MAGI2: variants seen among roughly 807,000 people sequenced by gnomAD.
The protein encoded by MAGI2 is membrane-associated guanylate kinase, WW and PDZ domain-containing protein 2.
Under a neutral mutation model 133.3 loss-of-function variants are expected in MAGI2, and 35 were observed. The ratio of observed to expected loss-of-function variants is 0.26; its 90% CI spans 0.20 to 0.35. The LOEUF (loss-of-function observed/expected upper bound fraction) is 0.35, where lower values mean the gene tolerates loss of function less well. MAGI2 is among the 10% of genes least tolerant of loss of function. MAGI2 has a pLI of 1.00. For missense variants in MAGI2, 1,636 were observed against 1,863.4 expected (o/e 0.88, Z 2.25); for synonymous variants, 729 against 710.6 (o/e 1.03, Z -0.41).
intron 1 of MAGI2, among the ~76,000 whole-genome samples, chr7:79,259,007 T>G (rs1216154970): frequency 6.6e-6 from 1 of 152,248 alleles, no homozygotes; most frequent in Non-Finnish European, 1.5e-5. Flanking sequence ...AAAGTAAATC[T>G]AGTGCCTATT....
chr7:78,024,853 G>A (rs1194535285), intron 21 of MAGI2, among the ~76,000 whole-genome samples: 1 of 152,010 alleles, frequency 6.6e-6, no homozygotes, highest in Non-Finnish European at 1.5e-5. Context: ...CCTACTCAAG[G>A]GATTGGCCTG....
At chr7:78,914,257 A>G (rs1392982074) in intron 2 of MAGI2, among the ~76,000 whole-genome samples, 1 of 152,138 alleles carries the variant, frequency 6.6e-6, no homozygotes, top group Non-Finnish European at 1.5e-5. Context: ...ATATGAACAA[A>G]CAACATTGTG....
At chr7:79,249,429 A>G (rs1833065999) in intron 1 of MAGI2, among the ~76,000 whole-genome samples, 1 of 152,074 alleles carries the variant, frequency 6.6e-6, no homozygotes, top group Non-Finnish European at 1.5e-5. Context: ...AGATTTAAAT[A>G]ATAAAATTTA....
chr7:78,402,344 GTCCACCTGGGGCGTATGTGTGTA>G (rs1796961330), intron 6 of MAGI2, among the ~76,000 whole-genome samples: 3 of 40,422 alleles, frequency 7.4e-5, no homozygotes, highest in South Asian at 2.3e-3. Context: ...ATGTGTGTGT[GTCCACCTGGGGCGTATGTGTGTA>G]TCCACCTGGG....
chr7:79,292,605 C>T (rs1213467365), intron 1 of MAGI2, among the ~76,000 whole-genome samples: 1 of 151,194 alleles, frequency 6.6e-6, no homozygotes, highest in Non-Finnish European at 1.5e-5. Context: ...TGCACTCCAG[C>T]CTGGGTGACA....
chr7:79,321,194 T>G (rs1483057504), intron 1 of MAGI2, among the ~76,000 whole-genome samples: 2 of 152,166 alleles, frequency 1.3e-5, no homozygotes, highest in Non-Finnish European at 2.9e-5. Context: ...TAAGTGAAAA[T>G]AGATTTACAA....
intron 1 of MAGI2, among the ~76,000 whole-genome samples, chr7:79,398,777 AT>A (rs1038303028): frequency 4.6e-5 from 7 of 152,214 alleles, no homozygotes; most frequent in African/African-American, 1.4e-4. Context: ...AGATTATCTA[AT>A]TTTTTTCTTA....
rs74985287 is a variant in MAGI2 at position 78,610,456 on chromosome 7, C to A, written c.538+16664G>T. ...GCTTTACAGGGAACACAGTGGAGAC[C>A]TGGAGGGTTGAATGATATTGTTGCT... On this transcript the variant is annotated intron_variant, in intron 3 of 21. Transcript: ENST00000354212. 4.2e-3 allele frequency among the ~76,000 whole-genome samples: 646 copies of A among 152,224 alleles called. 23 individuals carry two copies. The South Asian group carries it at 0.063, about 15-fold the overall frequency.
At chr7:78,263,128 C>T (rs971105512) in intron 9 of MAGI2, among the ~76,000 whole-genome samples, 1 of 152,160 alleles carries the variant, frequency 6.6e-6, no homozygotes, top group South Asian at 2.1e-4. Context: ...CAGTCTCTAG[C>T]TGCATTCATG....
chr7:79,110,840 C>A (rs1818868502), intron 1 of MAGI2, among the ~76,000 whole-genome samples: 1 of 152,074 alleles, frequency 6.6e-6, no homozygotes, highest in Non-Finnish European at 1.5e-5. Flanking sequence ...AGGGGCAGAT[C>A]CCTCATTGCT....
At chr7:79,152,658 A>C (rs923919783) in intron 1 of MAGI2, among the ~76,000 whole-genome samples, 1 of 152,096 alleles carries the variant, frequency 6.6e-6, no homozygotes, top group South Asian at 2.1e-4. Context: ...TTCAGGTTCC[A>C]CTCCAAATGA....
chr7:78,688,925 T>C (rs1585092633), intron 2 of MAGI2, among the ~76,000 whole-genome samples: 1 of 152,190 alleles, frequency 6.6e-6, no homozygotes, highest in East Asian at 1.9e-4. Context: ...CTAGGGTTTG[T>C]CAATAGAAGT....
chr7:79,282,046 A>C lies in MAGI2; in HGVS notation c.301+170974T>G, dbSNP rs549955998. 3.3e-5 allele frequency among the ~76,000 whole-genome samples: 5 copies of C among 152,336 alleles called. No homozygotes were observed. In the South Asian group the frequency reaches 8.3e-4, roughly 25 times the overall value. On this transcript the variant is annotated intron_variant, in intron 1 of 21. Coordinates refer to ENST00000354212, the MANE Select transcript of MAGI2 (RefSeq NM_012301.4). ...AGAAATTTAGAAATCTGTGTGAAGA[A>C]AAGGGATCAATGAAAAGATCTCTTT... is the stretch of plus-strand genomic sequence containing the variant.
intron 6 of MAGI2, among the ~76,000 whole-genome samples, chr7:78,462,037 G>T (rs186991195): frequency 1.3e-5 from 2 of 148,850 alleles, no homozygotes; most frequent in East Asian, 4.2e-4. Context: ...AAGCACTTAT[G>T]ATTCAATTTT....
chr7:78,991,148 C>T (rs1444709271), intron 2 of MAGI2, among the ~76,000 whole-genome samples: 2 of 151,898 alleles, frequency 1.3e-5, no homozygotes, highest in African/African-American at 4.8e-5. Flanking sequence ...TCTCTCCTGC[C>T]ACCTTGTAAA....
intron 2 of MAGI2, among the ~76,000 whole-genome samples, chr7:78,983,844 T>G (rs1805003837): frequency 6.6e-6 from 1 of 151,982 alleles, no homozygotes; most frequent in African/African-American, 2.4e-5. Context: ...TTCTTGCTCA[T>G]CTGAACTCCA....
At chr7:79,248,440 T>C (rs1292237453) in intron 1 of MAGI2, among the ~76,000 whole-genome samples, 4 of 152,166 alleles carry the variant, frequency 2.6e-5, no homozygotes, top group Non-Finnish European at 5.9e-5. Context: ...CAACCACATT[T>C]TCAGCATTGG....
chr7:78,120,996 G>C (rs1340817355), intron 20 of MAGI2, among the ~76,000 whole-genome samples: 1 of 35,690 alleles, frequency 2.8e-5, no homozygotes, highest in Non-Finnish European at 5.3e-5. Context: ...GCGAGACTCC[G>C]TCTCAAAAAA....
chr7:79,345,135 A>G (rs974580722), intron 1 of MAGI2, among the ~76,000 whole-genome samples: 3 of 151,920 alleles, frequency 2.0e-5, no homozygotes, highest in African/African-American at 7.3e-5. Context: ...GGGAAACAGG[A>G]TCACTGCAGA....
Sources: allele counts gnomAD v4.1 joint callset (sites outside exome capture counted in the v4.1 genomes callset), GRCh38; gene constraint gnomAD v4.1.1; transcripts MANE v1.5; gene names NCBI Gene and HGNC (gene_info 2026-07-23, HGNC 2026-07-21).